The following SLC44A5 variants were observed in gnomAD, a reference collection of about 807,000 sequenced individuals.
SLC44A5 encodes solute carrier family 44 member 5, also known as choline transporter-like protein 5.
In SLC44A5, 57 loss-of-function variants were observed where a neutral mutation model predicts 101.8. That is an observed-to-expected ratio of 0.56 (90% CI 0.45 to 0.70). The LOEUF is 0.70. Among genes scored for constraint, SLC44A5 ranks in the 30% least tolerant of loss-of-function variants. The pLI, the probability that SLC44A5 is intolerant of heterozygous loss-of-function variation, is 0.00. For missense variants in SLC44A5, 737 were observed against 853.1 expected (o/e 0.86, Z 1.70); for synonymous variants, 281 against 290.9 (o/e 0.97, Z 0.35).
intron 1 of SLC44A5, among the ~76,000 whole-genome samples, chr1:75,571,683 T>C (rs1444067799): frequency 1.3e-5 from 2 of 152,194 alleles, no homozygotes; most frequent in Non-Finnish European, 2.9e-5. Flanking sequence ...ACTATGATGT[T>C]TGGTAGGTTA....
intron 2 of SLC44A5, among the ~76,000 whole-genome samples, chr1:75,460,669 T>A (rs1023907976): frequency 1.3e-5 from 2 of 152,172 alleles, no homozygotes; most frequent in East Asian, 3.9e-4. Flanking sequence ...AAACTCAACA[T>A]TCAAGATTCC....
chr1:75,429,892 G>A (rs796543287), intron 2 of SLC44A5, among the ~76,000 whole-genome samples: 17 of 152,220 alleles, frequency 1.1e-4, no homozygotes, highest in African/African-American at 4.1e-4. Context: ...AGATTTGAAG[G>A]GACAAACATC....
intron 2 of SLC44A5, among the ~76,000 whole-genome samples, chr1:75,494,364 T>A (rs1309377259): frequency 6.6e-6 from 1 of 152,144 alleles, no homozygotes; most frequent in Non-Finnish European, 1.5e-5. Flanking sequence ...AACTTCTCCC[T>A]GGAAGAACCT....
At chr1:75,325,094 G>T (rs745859997) in intron 4 of SLC44A5, among the ~76,000 whole-genome samples, 2 of 151,952 alleles carry the variant, frequency 1.3e-5, no homozygotes, top group Non-Finnish European at 1.5e-5. Flanking sequence ...ACACAACCAG[G>T]GTAATAAATG....
chr1:75,262,760 CA>C, intron 6 of SLC44A5, among the ~76,000 whole-genome samples: 1 of 152,292 alleles, frequency 6.6e-6, no homozygotes. Flanking sequence ...ATAAAAACAG[CA>C]TGGTACTAGT....
intron 6 of SLC44A5, among the ~76,000 whole-genome samples, chr1:75,274,470 A>G (rs1463754237): frequency 6.6e-6 from 1 of 152,170 alleles, no homozygotes; most frequent in Non-Finnish European, 1.5e-5. Flanking sequence ...ACCCAGGGAC[A>G]TTGCCCACAG....
intron 2 of SLC44A5, among the ~76,000 whole-genome samples, chr1:75,537,050 A>T (rs1671094301): frequency 7.1e-6 from 1 of 140,806 alleles, no homozygotes; most frequent in Non-Finnish European, 1.5e-5. Flanking sequence ...ATCTATGCCA[A>T]ATGATTCTGA....
chr1:75,702,405 G>C, the SLC44A5 span, among the ~76,000 whole-genome samples: 1 of 152,050 alleles, frequency 6.6e-6, no homozygotes, highest in African/African-American at 2.4e-5. Context: ...ACAAGAAATG[G>C]GGAAAGGATT....
chr1:75,581,436 A>C (rs1673693200), intron 1 of SLC44A5, among the ~76,000 whole-genome samples: 1 of 152,236 alleles, frequency 6.6e-6, no homozygotes, highest in East Asian at 1.9e-4. Flanking sequence ...AAAATATATA[A>C]AAATGCCAAA....
At chr1:75,323,176 G>A (rs1264040484) in intron 4 of SLC44A5, among the ~76,000 whole-genome samples, 2 of 148,836 alleles carry the variant, frequency 1.3e-5, no homozygotes, top group South Asian at 2.2e-4. Context: ...CCACCTATGA[G>A]TGAGAATATG....
chr1:75,385,154 A>G (rs1194719225), intron 3 of SLC44A5, among the ~76,000 whole-genome samples: 2 of 150,390 alleles, frequency 1.3e-5, no homozygotes, highest in Non-Finnish European at 3.0e-5. Flanking sequence ...AGAACTAGAA[A>G]AGCAAGAGCA....
At chr1:75,434,602 A>T (rs1166695906) in intron 2 of SLC44A5, among the ~76,000 whole-genome samples, 1 of 152,110 alleles carries the variant, frequency 6.6e-6, no homozygotes, top group African/African-American at 2.4e-5. Context: ...CTGCAGAATA[A>T]AGGGAAAACT....
At chr1:75,429,304 T>C (rs1664480425) in intron 2 of SLC44A5, among the ~76,000 whole-genome samples, 1 of 152,210 alleles carries the variant, frequency 6.6e-6, no homozygotes, top group South Asian at 2.1e-4. Context: ...ACATTCTAAG[T>C]TATTCGACTT....
intron 1 of SLC44A5, among the ~76,000 whole-genome samples, chr1:75,549,631 A>G (rs1191405607): frequency 1.3e-5 from 2 of 152,182 alleles, no homozygotes; most frequent in Non-Finnish European, 2.9e-5. Context: ...TAAGGGATTT[A>G]CAGTCTTGTG....
In SLC44A5 at chr1:75,388,584, T is replaced by C. The variant is rs796648844; in HGVS notation, c.52+7999A>G. Among the ~76,000 whole-genome samples the C allele has an allele frequency of 2.5e-4, 38 of 152,000 alleles. 1 individual carries two copies. The highest frequency in any genetic ancestry group is 9.2e-4 in the African/African-American group (38 of 41,476). ...TCACGAGGTCAGGAGATCAAGACCA[T>C]CCTGGCTAACGTGGTGAAACCCTGT... is the stretch of plus-strand genomic sequence containing the variant. On this transcript the variant is annotated intron_variant, in intron 3 of 23. Coordinates refer to ENST00000370859, the MANE Select transcript of SLC44A5 (RefSeq NM_001130058.2).
At chr1:75,699,373 C>G in the SLC44A5 span, among the ~76,000 whole-genome samples, 1 of 152,096 alleles carries the variant, frequency 6.6e-6, no homozygotes, top group South Asian at 2.1e-4. Flanking sequence ...AAAGAATTTT[C>G]AACCCAGAAT....
At chr1:75,434,690 C>A (rs1183221632) in intron 2 of SLC44A5, among the ~76,000 whole-genome samples, 1 of 152,116 alleles carries the variant, frequency 6.6e-6, no homozygotes, top group African/African-American at 2.4e-5. Flanking sequence ...CCTCACGCCT[C>A]CCACCTATCT....
intron 2 of SLC44A5, among the ~76,000 whole-genome samples, chr1:75,539,633 A>G (rs769642023): frequency 4.6e-5 from 7 of 152,236 alleles, no homozygotes; most frequent in Non-Finnish European, 7.3e-5. Context: ...AAATGTCCTT[A>G]CGCAGTAATG....
chr1:75,683,387 A>C, the SLC44A5 span, among the ~76,000 whole-genome samples: 7 of 152,128 alleles, frequency 4.6e-5, no homozygotes, highest in Non-Finnish European at 1.0e-4. Context: ...CTGGATTAAG[A>C]AAATGTGGCA....
Sources: allele counts gnomAD v4.1 joint callset (sites outside exome capture counted in the v4.1 genomes callset), GRCh38; gene constraint gnomAD v4.1.1; transcripts MANE v1.5; gene names NCBI Gene and HGNC (gene_info 2026-07-23, HGNC 2026-07-21).